Variants in FREM1 observed in about 807,000 individuals in gnomAD.
FREM1 encodes FRAS1 related extracellular matrix 1.
Under a neutral mutation model 210.1 loss-of-function variants are expected in FREM1, and 220 were observed. That is an observed-to-expected ratio of 1.05 (90% CI 0.94 to 1.17). The LOEUF (loss-of-function observed/expected upper bound fraction) is 1.17. Ranked by LOEUF, FREM1 falls within the 50% of genes most tolerant of loss-of-function variation. The probability of loss-of-function intolerance (pLI) is 0.00; values close to 1 mark genes in which losing one functional copy is unlikely to be tolerated. For missense variants in FREM1, 3,454 were observed against 2,675.5 expected (o/e 1.29, Z -6.42); for synonymous variants, 1,189 against 980.2 (o/e 1.21, Z -3.98).
At chr9:14,903,774 AAAAAACAAGAAC>A (rs1171933786) in intron 1 of FREM1, among the ~76,000 whole-genome samples, 1 of 152,168 alleles carries the variant, frequency 6.6e-6, no homozygotes, top group Non-Finnish European at 1.5e-5. Context: ...GCAGTCTCAT[AAAAAACAAGAAC>A]ACCAACACAC....
chr9:14,776,258 T>A, intron 24 of FREM1, 55 bp from the exon 25 acceptor site: 1 of 1,490,002 alleles, frequency 6.7e-7, no homozygotes, highest in Non-Finnish European at 8.9e-7. Context: ...CACCATCTAC[T>A]GGAATGAAAT....
intron 24 of FREM1, among the ~76,000 whole-genome samples, chr9:14,781,938 C>T (rs1051330897): frequency 3.3e-5 from 5 of 152,210 alleles, no homozygotes; most frequent in African/African-American, 1.2e-4. Flanking sequence ...CTCCTGACCT[C>T]AGGTGATCCA....
At chr9:14,800,903 T>C (rs928709766) in intron 20 of FREM1, among the ~76,000 whole-genome samples, 4 of 152,208 alleles carry the variant, frequency 2.6e-5, no homozygotes, top group African/African-American at 9.7e-5. Flanking sequence ...TTTTTATTTT[T>C]TAATTGGCAA....
In FREM1 at chr9:14,737,465, T is replaced by A. The variant is rs1453848257; in HGVS notation, c.6471A>T (p.Gln2157His). The A allele has an allele frequency of 6.2e-7, 1 of 1,613,768 alleles. No homozygotes were observed. The highest frequency in any genetic ancestry group is 8.5e-7 in the Non-Finnish European group (1 of 1,179,852). Residue 2157 changes from glutamine (Q) to histidine (H), a missense_variant, in exon 37 of 37, where the codon CAA becomes CAT. Physicochemically the swap from Gln to His is conservative, Grantham distance 24 (BLOSUM62 0). Transcript: ENST00000380880. ...TACAGTCTTTTGTTTGCCATTTCCC[T>A]TGTCTTTGAACCAAAACACAGCTCT... ...LGKSCVLVQR[Q>H]GKWQTKDCRR...
intron 26 of FREM1, 31 bp downstream of exon 26, chr9:14,770,574 T>C: frequency 6.5e-7 from 1 of 1,544,368 alleles, no homozygotes; most frequent in Non-Finnish European, 8.9e-7. Flanking sequence ...TATTTTAAAA[T>C]GGCAATTGTA....
intron 24 of FREM1, among the ~76,000 whole-genome samples, chr9:14,780,433 G>GAAGAAAAAAAAAAAAAAA (rs1849463298): frequency 1.2e-5 from 1 of 81,536 alleles, no homozygotes; most frequent in Non-Finnish European, 2.6e-5. Flanking sequence ...CAGCTCCTCA[G>GAAGAAAAAAAAAAAAAAA]AAAAAAAAAA....
chr9:14,750,358 T>C, intron 29 of FREM1, 82 bp from the exon 30 acceptor site: 1 of 1,123,072 alleles, frequency 8.9e-7, no homozygotes, highest in South Asian at 1.4e-5. Flanking sequence ...AATTAACATG[T>C]CTACAGCTAG....
intron 3 of FREM1, among the ~76,000 whole-genome samples, chr9:14,860,784 TATATAC>T (rs1564101604): frequency 2.4e-4 from 22 of 92,778 alleles, no homozygotes; most frequent in African/African-American, 9.5e-4. Context: ...CATATATACA[TATATAC>T]ATATATACAC....
At chr9:14,743,007 CT>C (rs922355568) in intron 35 of FREM1, among the ~76,000 whole-genome samples, 2 of 151,954 alleles carry the variant, frequency 1.3e-5, no homozygotes, top group African/African-American at 4.8e-5. Context: ...AATCCATAAA[CT>C]GTAGATAAGA....
At chr9:14,861,160 T>C (rs1329648501) in intron 3 of FREM1, among the ~76,000 whole-genome samples, 1 of 135,842 alleles carries the variant, frequency 7.4e-6, no homozygotes, top group African/African-American at 2.8e-5. Context: ...TATATACGTA[T>C]ATACACATGT....
At chr9:14,799,211 T>C (rs546591855) in intron 20 of FREM1, among the ~76,000 whole-genome samples, 265 of 151,400 alleles carry the variant, frequency 1.8e-3, no homozygotes, top group African/African-American at 5.9e-3. Flanking sequence ...ACTTGAGCCC[T>C]GGAAGTCCAG....
intron 24 of FREM1, among the ~76,000 whole-genome samples, chr9:14,780,894 T>C (rs549607660): frequency 5.3e-5 from 8 of 152,332 alleles, no homozygotes; most frequent in East Asian, 1.9e-4. Flanking sequence ...ACAAACAACA[T>C]AGCAGTCCGT....
intron 10 of FREM1, among the ~76,000 whole-genome samples, chr9:14,840,950 G>T (rs1825586822): frequency 2.6e-5 from 4 of 152,176 alleles, no homozygotes; most frequent in Admixed American, 2.6e-4. Context: ...TATTTATTGA[G>T]TGTTTCCCAT....
chr9:14,862,047 A>G (rs538394598), intron 3 of FREM1, among the ~76,000 whole-genome samples: 20 of 152,340 alleles, frequency 1.3e-4, no homozygotes, highest in Non-Finnish European at 2.6e-4. Context: ...AAAGTCTTAG[A>G]AAGATCAAAT....
chr9:14,860,543 ACAC>A lies in FREM1; in HGVS notation c.330-1062_330-1060del, dbSNP rs1294924252. Among the ~76,000 whole-genome samples, 376 of 121,922 alleles carry A rather than the reference ACAC, an allele frequency of 3.1e-3. 5 individuals carry two copies. Among genetic ancestry groups the A allele is most frequent in the African/African-American group, 0.012 (328 of 27,904 alleles). The allele number at this position is 121,922 out of a possible 152,430, so 80.0% of individuals were successfully genotyped here. A position where few individuals can be genotyped will look rare whatever the true frequency, so the allele number is the denominator to read the frequency against. On this transcript the variant is annotated intron_variant, in intron 3 of 36. Coordinates refer to ENST00000380880, the MANE Select transcript of FREM1 (RefSeq NM_001379081.2). ...GTACGTAGTAGGTATGTATATATAT[ACAC>A]ATATATATACACACATATATATACA...
rs756241386 is a variant in FREM1 at position 14,808,145 on chromosome 9, C to A, written c.2894-11G>T. 6.5e-7 allele frequency: 1 copy of A among 1,549,904 alleles called. No homozygotes were observed. Among genetic ancestry groups the A allele is most frequent in the South Asian group, 1.3e-5 (1 of 78,398 alleles). On this transcript the variant is annotated splice_polypyrimidine_tract_variant and intron_variant, in intron 16 of 36. Transcript: ENST00000380880. ...GGCCAATCTCGCCACCTGGAAGACACAACTATAGCTGAAACCTGCCTTTTA... is the reference window on the plus strand; with the variant it reads ...GGCCAATCTCGCCACCTGGAAGACAAAACTATAGCTGAAACCTGCCTTTTA...
At chr9:14,738,709 T>G (rs1376334604) in intron 36 of FREM1, among the ~76,000 whole-genome samples, 1 of 152,102 alleles carries the variant, frequency 6.6e-6, no homozygotes, top group Non-Finnish European at 1.5e-5. Flanking sequence ...TTTAAAGTGG[T>G]TTAAAAGATT....
intron 16 of FREM1, among the ~76,000 whole-genome samples, chr9:14,809,913 T>C (rs768091145): frequency 6.8e-6 from 1 of 147,880 alleles, no homozygotes; most frequent in Non-Finnish European, 1.5e-5. Context: ...TATGTATGTA[T>C]TATGTAGAAT....
intron 1 of FREM1, among the ~76,000 whole-genome samples, chr9:14,871,101 G>A (rs1161997073): frequency 6.6e-6 from 1 of 152,118 alleles, no homozygotes; most frequent in Non-Finnish European, 1.5e-5. Flanking sequence ...TGTGAATGGA[G>A]CTGCAATAAA....
Sources: allele counts gnomAD v4.1 joint callset (sites outside exome capture counted in the v4.1 genomes callset), GRCh38; gene constraint gnomAD v4.1.1; transcripts MANE v1.5; gene names NCBI Gene and HGNC (gene_info 2026-07-23, HGNC 2026-07-21).